Variants in TBC1D9 observed in about 807,000 individuals in gnomAD.
TBC1D9 encodes the protein TBC1 domain family member 9A.
TBC1D9 carries 63 observed loss-of-function variants against 132.0 expected under a neutral mutation model. That is an observed-to-expected ratio of 0.48 (90% CI 0.39 to 0.59). TBC1D9 has a LOEUF of 0.59. TBC1D9 is among the 20% of genes least tolerant of loss of function. The probability of loss-of-function intolerance (pLI) is 0.00; values close to 1 mark genes in which losing one functional copy is unlikely to be tolerated. For missense variants in TBC1D9, 1,261 were observed against 1,592.7 expected (o/e 0.79, Z 3.54); for synonymous variants, 610 against 609.9 (o/e 1.00, Z 0.00).
At chr4:140,682,363 C>G (rs1437754978) in intron 3 of TBC1D9, among the ~76,000 whole-genome samples, 3 of 151,992 alleles carry the variant, frequency 2.0e-5, no homozygotes, top group Non-Finnish European at 4.4e-5. Context: ...GGAGGGAGCT[C>G]AATTTTGGAC....
At chr4:140,648,293 C>T (rs2110987395) in intron 13 of TBC1D9, among the ~76,000 whole-genome samples, 1 of 152,058 alleles carries the variant, frequency 6.6e-6, no homozygotes, top group African/African-American at 2.4e-5. Context: ...TGTAATCCAA[C>T]TCAATTCTTA....
intron 1 of TBC1D9, among the ~76,000 whole-genome samples, chr4:140,748,499 CT>C (rs1324750202): frequency 1.3e-5 from 2 of 152,128 alleles, no homozygotes; most frequent in African/African-American, 2.4e-5. Context: ...CCTACTACCC[CT>C]AAGCAGGATT....
intron 2 of TBC1D9, among the ~76,000 whole-genome samples, chr4:140,687,048 T>C (rs997993784): frequency 2.6e-5 from 4 of 152,014 alleles, no homozygotes; most frequent in Admixed American, 1.3e-4. Flanking sequence ...AGGTCATCCT[T>C]GCAGCCTCAA....
chr4:140,679,290 C>A lies in TBC1D9; in HGVS notation c.590-87G>T. 2.9e-6 allele frequency: 4 copies of A among 1,377,280 alleles called. No individual in the cohort carries two copies. The South Asian group carries it at 5.4e-5, about 19-fold the overall frequency. 85.3% of individuals were successfully genotyped at this position (1,377,280 alleles called of 1,614,324 possible). ...CAGTCTCACAACCCCACTCCCCCAT[C>A]CCACTGAACTCCTTTGAGTTTATAA... On this transcript the variant is annotated intron_variant, in intron 4 of 20. Transcript: ENST00000442267.
intron 1 of TBC1D9, among the ~76,000 whole-genome samples, chr4:140,725,722 G>C (rs1738488879): frequency 6.6e-6 from 1 of 151,948 alleles, no homozygotes; most frequent in African/African-American, 2.4e-5. Flanking sequence ...AGTTAATAGG[G>C]GTTGGGCACG....
chr4:140,708,841 C>T (rs1344263154), intron 1 of TBC1D9, among the ~76,000 whole-genome samples: 1 of 151,936 alleles, frequency 6.6e-6, no homozygotes, highest in Non-Finnish European at 1.5e-5. Context: ...GAGATGGGTA[C>T]AATGTATTGT....
At chr4:140,738,249 C>T (rs1330469089) in intron 1 of TBC1D9, among the ~76,000 whole-genome samples, 2 of 152,164 alleles carry the variant, frequency 1.3e-5, no homozygotes, top group Non-Finnish European at 2.9e-5. Flanking sequence ...CCGAGTTATG[C>T]AAAAACTGCC....
intron 2 of TBC1D9, among the ~76,000 whole-genome samples, chr4:140,698,639 G>A (rs895309575): frequency 4.0e-5 from 6 of 151,690 alleles, no homozygotes; most frequent in Non-Finnish European, 8.8e-5. Flanking sequence ...TCAGGAGGCT[G>A]AGTCAGGAGA....
intron 1 of TBC1D9, among the ~76,000 whole-genome samples, chr4:140,754,431 T>C (rs1438408573): frequency 6.6e-6 from 1 of 151,766 alleles, no homozygotes; most frequent in Non-Finnish European, 1.5e-5. Flanking sequence ...CTGGCCAACA[T>C]GGTGAAACCC....
At chr4:140,642,776 T>G in intron 13 of TBC1D9, 1 of 641,198 alleles carries the variant, frequency 1.6e-6, no homozygotes, top group Non-Finnish European at 2.8e-6. Flanking sequence ...CGGCAGAGAT[T>G]TGCTGCTCAG....
At chr4:140,643,498 G>A in intron 13 of TBC1D9, 2 of 883,364 alleles carry the variant, frequency 2.3e-6, no homozygotes, top group South Asian at 1.4e-5. Context: ...ACGGCCTCCC[G>A]GGGCTCCAGT....
rs367702765 is a variant in TBC1D9 at position 140,625,513 on chromosome 4, G to C, written c.2900-1125C>G. 2.6e-5 allele frequency among the ~76,000 whole-genome samples: 4 copies of C among 152,308 alleles called. No individual in the cohort carries two copies. In the East Asian group the frequency reaches 7.7e-4, roughly 29 times the overall value. On this transcript the variant is annotated intron_variant, in intron 18 of 20. Transcript: ENST00000442267. The stretch of plus-strand genomic sequence containing the variant: ...CCACCCAAAGCTGGCTGGTCAGACA[G>C]AGATGTGGCCTTTACTGTATTACGT...
intron 2 of TBC1D9, among the ~76,000 whole-genome samples, chr4:140,687,696 C>T (rs1025851155): frequency 6.6e-6 from 1 of 151,922 alleles, no homozygotes; most frequent in Non-Finnish European, 1.5e-5. Flanking sequence ...ATTTCAGATA[C>T]ACTGAGGAAA....
intron 1 of TBC1D9, among the ~76,000 whole-genome samples, chr4:140,709,417 G>GA (rs200774961): frequency 0.011 from 1,685 of 151,042 alleles, 29 homozygotes; most frequent in African/African-American, 0.039. Flanking sequence ...GGACGGGGCT[G>GA]AAAAAAATCA....
intron 1 of TBC1D9, among the ~76,000 whole-genome samples, chr4:140,716,306 G>GCA (rs1738333149): frequency 1.3e-5 from 2 of 152,054 alleles, no homozygotes; most frequent in African/African-American, 4.8e-5. Context: ...GGGCAACACA[G>GCA]TGAGACTCCT....
intron 1 of TBC1D9, among the ~76,000 whole-genome samples, chr4:140,727,634 T>A (rs867152509): frequency 1.2e-4 from 19 of 152,204 alleles, no homozygotes; most frequent in Admixed American, 9.2e-4. Context: ...TTGTTCTGAC[T>A]CAGAATGTGC....
intron 1 of TBC1D9, among the ~76,000 whole-genome samples, chr4:140,750,863 T>C (rs1041258304): frequency 2.0e-5 from 3 of 148,664 alleles, no homozygotes; most frequent in African/African-American, 7.4e-5. Context: ...GACTTACAAA[T>C]TTTTTTTTTT....
At chr4:140,687,351 T>C (rs1167215764) in intron 2 of TBC1D9, among the ~76,000 whole-genome samples, 2 of 30,552 alleles carry the variant, frequency 6.5e-5, no homozygotes, top group African/African-American at 3.3e-4. Flanking sequence ...GTCATATATA[T>C]ATATATATAT....
At chr4:140,679,510 G>A in intron 4 of TBC1D9, 105 bp downstream of exon 4, 3 of 847,312 alleles carry the variant, frequency 3.5e-6, no homozygotes, top group Non-Finnish European at 5.4e-6. Flanking sequence ...TATTGACTTA[G>A]TTATAACTAT....
Sources: allele counts gnomAD v4.1 joint callset (sites outside exome capture counted in the v4.1 genomes callset), GRCh38; gene constraint gnomAD v4.1.1; transcripts MANE v1.5; gene names NCBI Gene and HGNC (gene_info 2026-07-23, HGNC 2026-07-21).